The following FHIT variants were observed in gnomAD, a reference collection of about 807,000 sequenced individuals.
FHIT encodes bis(5'-adenosyl)-triphosphatase.
In FHIT, 19 loss-of-function variants were observed where a neutral mutation model predicts 17.9. The ratio of observed to expected loss-of-function variants is 1.06; its 90% CI spans 0.74 to 1.56. The LOEUF is 1.56. FHIT is among the 40% of genes most tolerant of loss of function. The pLI is 0.00. For missense variants in FHIT, 248 were observed against 189.2 expected (o/e 1.31, Z -1.82); for synonymous variants, 81 against 69.7 (o/e 1.16, Z -0.81).
At chr3:60,537,598 A>G (rs2107600697) in intron 4 of FHIT, 1 of 214,898 alleles carries the variant, frequency 4.7e-6, no homozygotes, top group African/African-American at 2.3e-5. Flanking sequence ...TGGTTGTAAC[A>G]GGGCCACAAA....
chr3:60,311,322 C>G (rs1406215655), intron 5 of FHIT, among the ~76,000 whole-genome samples: 2 of 151,834 alleles, frequency 1.3e-5, no homozygotes, highest in Non-Finnish European at 2.9e-5. Context: ...TCTGCTGTGT[C>G]CTTGAGTTTA....
intron 1 of FHIT, among the ~76,000 whole-genome samples, chr3:61,225,801 T>C (rs2039956032): frequency 6.6e-6 from 1 of 152,232 alleles, no homozygotes; most frequent in African/African-American, 2.4e-5. Context: ...TCCATCACCA[T>C]GTTAGTACTT....
intron 5 of FHIT, among the ~76,000 whole-genome samples, chr3:60,230,752 T>C (rs908367770): frequency 2.0e-5 from 3 of 152,198 alleles, no homozygotes; most frequent in Non-Finnish European, 4.4e-5. Context: ...CTCTGTCTGC[T>C]CAGGATGGAT....
chr3:59,919,254 G>T (rs373759592), intron 8 of FHIT, among the ~76,000 whole-genome samples: 33 of 152,294 alleles, frequency 2.2e-4, no homozygotes, highest in Middle Eastern at 3.4e-3. Flanking sequence ...CTGTGCTTGA[G>T]TGAATCCAGG....
chr3:60,521,275 G>A (rs9856484), intron 5 of FHIT, among the ~76,000 whole-genome samples: 2 of 151,586 alleles, frequency 1.3e-5, no homozygotes, highest in Non-Finnish European at 2.9e-5. Flanking sequence ...TGAGGCGGAG[G>A]CTTGCTCTGT....
intron 5 of FHIT, among the ~76,000 whole-genome samples, chr3:60,308,494 GTGTATATA>G (rs1237750335): frequency 1.9e-5 from 1 of 52,326 alleles, no homozygotes; most frequent in Admixed American, 2.5e-4. Flanking sequence ...ATAGGTGTAT[GTGTATATA>G]TATATATATA....
chr3:59,783,858 G>A (rs1362429900), intron 8 of FHIT, among the ~76,000 whole-genome samples: 2 of 152,138 alleles, frequency 1.3e-5, no homozygotes, highest in Non-Finnish European at 2.9e-5. Context: ...AAACCTCCCT[G>A]ACGCTTTGGT....
chr3:61,100,421 T>A (rs1006410385), intron 2 of FHIT, among the ~76,000 whole-genome samples: 1 of 152,220 alleles, frequency 6.6e-6, no homozygotes, highest in Non-Finnish European at 1.5e-5. Context: ...TAGTATTCCA[T>A]GGTGTATATG....
At chr3:60,079,399 G>A (rs1042651242) in intron 5 of FHIT, among the ~76,000 whole-genome samples, 2 of 152,092 alleles carry the variant, frequency 1.3e-5, no homozygotes, top group Non-Finnish European at 1.5e-5. Flanking sequence ...GTGGGTGGGG[G>A]CTTCTTGAGA....
At chr3:60,169,206 T>C (rs1701312024) in intron 5 of FHIT, among the ~76,000 whole-genome samples, 1 of 152,182 alleles carries the variant, frequency 6.6e-6, no homozygotes, top group South Asian at 2.1e-4. Context: ...CCCCCGTTCC[T>C]GCCACTTCAC....
At chr3:60,613,495 G>A (rs2038848291) in intron 4 of FHIT, among the ~76,000 whole-genome samples, 1 of 152,114 alleles carries the variant, frequency 6.6e-6, no homozygotes, top group African/African-American at 2.4e-5. Context: ...GAAAACCCTA[G>A]CTCCTGAATG....
At position 60,860,639 on chromosome 3, in the gene FHIT, A is replaced by ATACATATGTACATATATCAGGTATATATG. The variant is rs1703719114; in HGVS notation, c.-110-38657_-110-38629dup. Among the ~76,000 whole-genome samples, 2 of 27,424 alleles carry ATACATATGTACATATATCAGGTATATATG rather than the reference A, an allele frequency of 7.3e-5. 1 individual carries two copies. Among genetic ancestry groups the ATACATATGTACATATATCAGGTATATATG allele is most frequent in the Non-Finnish European group, 2.7e-4 (2 of 7,384 alleles). 18.0% of individuals were successfully genotyped at this position (27,424 alleles called of 152,430 possible). A position where few individuals can be genotyped will look rare whatever the true frequency, so the allele number is the denominator to read the frequency against. ...TGTACATATATATCAGGTATATATG[A>ATACATATGTACATATATCAGGTATATATG]TACATATGTACATATATCAGGTATA... On this transcript the variant is annotated intron_variant, in intron 3 of 9. Coordinates refer to ENST00000492590, the MANE Select transcript of FHIT (RefSeq NM_002012.4).
intron 4 of FHIT, among the ~76,000 whole-genome samples, chr3:60,744,749 T>A (rs782286448): frequency 2.0e-4 from 31 of 152,216 alleles, no homozygotes; most frequent in Admixed American, 9.8e-4. Flanking sequence ...TGTTGGCTGT[T>A]CTGATAGAGA....
chr3:60,209,876 T>C (rs567234089), intron 5 of FHIT, among the ~76,000 whole-genome samples: 3 of 150,644 alleles, frequency 2.0e-5, no homozygotes, highest in Non-Finnish European at 3.0e-5. Flanking sequence ...TAAGGGGGAG[T>C]TGAACAATGA....
At chr3:60,224,270 A>AC (rs1331586405) in intron 5 of FHIT, among the ~76,000 whole-genome samples, 1 of 152,074 alleles carries the variant, frequency 6.6e-6, no homozygotes, top group Non-Finnish European at 1.5e-5. Flanking sequence ...TACTCTAAAG[A>AC]CCCACTACCC....
chr3:60,832,173 C>T (rs1405597834), intron 3 of FHIT, among the ~76,000 whole-genome samples: 1 of 151,604 alleles, frequency 6.6e-6, no homozygotes, highest in Non-Finnish European at 1.5e-5. Flanking sequence ...TCACAATGAC[C>T]TTAAAAGTAC....
chr3:60,828,210 T>C (rs1245379787), intron 3 of FHIT, among the ~76,000 whole-genome samples: 1 of 152,222 alleles, frequency 6.6e-6, no homozygotes, highest in Non-Finnish European at 1.5e-5. Context: ...TTCACCTTTT[T>C]TAACATTATC....
At chr3:60,198,175 C>G (rs1702732781) in intron 5 of FHIT, among the ~76,000 whole-genome samples, 1 of 152,056 alleles carries the variant, frequency 6.6e-6, no homozygotes, top group Non-Finnish European at 1.5e-5. Flanking sequence ...CTGAGACTCT[C>G]CAGGTCCAGT....
chr3:61,006,343 A>C (rs2031446737), intron 3 of FHIT, among the ~76,000 whole-genome samples: 2 of 152,206 alleles, frequency 1.3e-5, no homozygotes, highest in South Asian at 4.1e-4. Flanking sequence ...GCAGCTGAAC[A>C]AAAACGTTAT....
Sources: gnomAD v4.1 joint callset for allele counts (sites outside exome capture counted in the v4.1 genomes callset) on GRCh38, gnomAD v4.1.1 for gene constraint, MANE v1.5 for transcripts, NCBI Gene and HGNC (gene_info 2026-07-23, HGNC 2026-07-21) for gene names.